Variants in RNF216 observed in about 807,000 individuals in gnomAD.
RNF216 encodes E3 ubiquitin-protein ligase RNF216.
Under a neutral mutation model 110.8 loss-of-function variants are expected in RNF216, and 72 were observed. That is an observed-to-expected ratio of 0.65 (90% CI 0.54 to 0.79). RNF216 has a LOEUF of 0.79. Among genes scored for constraint, RNF216 ranks in the 30% least tolerant of loss-of-function variants. The pLI, the probability that RNF216 is intolerant of heterozygous loss-of-function variation, is 0.00. For missense variants in RNF216, 1,342 were observed against 1,141.2 expected (o/e 1.18, Z -2.54); for synonymous variants, 495 against 407.5 (o/e 1.21, Z -2.59).
intron 13 of RNF216, among the ~76,000 whole-genome samples, chr7:5,660,943 GTTTTTTT>G (rs1168463360): frequency 7.8e-4 from 70 of 90,158 alleles, no homozygotes; most frequent in East Asian, 5.1e-3. Flanking sequence ...GAAGCCTTAG[GTTTTTTT>G]TTTTTTTTTT....
At chr7:5,734,469 G>C (rs1370885979) in intron 5 of RNF216, among the ~76,000 whole-genome samples, 3 of 152,050 alleles carry the variant, frequency 2.0e-5, no homozygotes, top group South Asian at 4.1e-4. Flanking sequence ...TTATTGAGCT[G>C]TGCATCTTTA....
chr7:5,755,918 C>T (rs1795612696), intron 2 of RNF216, among the ~76,000 whole-genome samples: 2 of 152,154 alleles, frequency 1.3e-5, no homozygotes, highest in Admixed American at 1.3e-4. Flanking sequence ...TAGGATAGTA[C>T]GTTGCTTCAC....
intron 1 of RNF216, among the ~76,000 whole-genome samples, chr7:5,778,346 T>C (rs1428152731): frequency 6.6e-6 from 1 of 152,246 alleles, no homozygotes; most frequent in African/African-American, 2.4e-5. Context: ...TTCGGTTCTT[T>C]GCTTTCTCCT....
chr7:5,627,358 TGGCCCTCCTTGTGAGG>T (rs1786775050), intron 15 of RNF216, among the ~76,000 whole-genome samples: 1 of 152,194 alleles, frequency 6.6e-6, no homozygotes, highest in Non-Finnish European at 1.5e-5. Flanking sequence ...GTGGCAGCCT[TGGCCCTCCTTGTGAGG>T]GCCTCACGTC....
chr7:5,698,870 T>C lies in RNF216; in HGVS notation c.2061+12891A>G, dbSNP rs566880381. ...AAAAGCTGTTAACATTTTCCTGTTA[T>C]GTTGCACATTTTCTCATCTCTTAAA... On this transcript the variant is annotated intron_variant, in intron 13 of 16. Transcript: ENST00000389902. Among the ~76,000 whole-genome samples, 73 of 152,304 alleles carry C rather than the reference T, an allele frequency of 4.8e-4. 1 individual carries two copies. The South Asian group carries it at 0.013, about 28-fold the overall frequency.
intron 9 of RNF216, among the ~76,000 whole-genome samples, chr7:5,717,110 T>C (rs6943875): frequency 0.027 from 4,059 of 152,276 alleles, 199 homozygotes; most frequent in African/African-American, 0.092. Context: ...TCCCAGCACT[T>C]TGGAAGGCCG....
chr7:5,652,568 C>A, intron 13 of RNF216, 58 bp from the exon 14 acceptor site: 1 of 1,129,270 alleles, frequency 8.9e-7, no homozygotes, highest in South Asian at 1.2e-5. Flanking sequence ...CACAGAAGTT[C>A]CTGTTCAACA....
intron 13 of RNF216, among the ~76,000 whole-genome samples, chr7:5,702,529 G>A (rs1428713840): frequency 6.6e-6 from 1 of 152,202 alleles, no homozygotes; most frequent in Non-Finnish European, 1.5e-5. Flanking sequence ...GGAAGGCAGG[G>A]TGGGAAGGGA....
intron 13 of RNF216, among the ~76,000 whole-genome samples, chr7:5,709,221 G>C (rs1245023912): frequency 6.6e-6 from 1 of 152,192 alleles, no homozygotes; most frequent in Non-Finnish European, 1.5e-5. Context: ...ACAGAAACCA[G>C]TCCCTTGAGC....
Position 5,691,047 on chromosome 7 carries a change from C to T in RNF216, c.2061+20714G>A, listed in dbSNP as rs941387923. On this transcript the variant is annotated intron_variant, in intron 13 of 16. Coordinates refer to ENST00000389902, the MANE Select transcript of RNF216 (RefSeq NM_207111.4). ...TTTTCTGCCTGTCGTCTCTTCCCAG[C>T]TCACACAGCCGTGCAAAGAACTCTG... 3.9e-5 allele frequency among the ~76,000 whole-genome samples: 6 copies of T among 152,300 alleles called. No individual in the cohort carries two copies. The South Asian group carries it at 8.3e-4, about 21-fold the overall frequency.
At chr7:5,709,143 C>T (rs536486946) in intron 13 of RNF216, among the ~76,000 whole-genome samples, 22 of 152,298 alleles carry the variant, frequency 1.4e-4, no homozygotes, top group African/African-American at 5.1e-4. Context: ...GGAGTCAGTA[C>T]GTGCTAGTTT....
intron 13 of RNF216, among the ~76,000 whole-genome samples, chr7:5,676,253 C>T (rs1450029868): frequency 2.0e-5 from 3 of 152,262 alleles, no homozygotes; most frequent in East Asian, 3.9e-4. Context: ...CTCAAGTGAT[C>T]GGCCCGCCTT....
chr7:5,768,346 T>TACAC (rs71004702), intron 1 of RNF216, among the ~76,000 whole-genome samples: 5,961 of 71,860 alleles, frequency 0.083, 546 homozygotes, highest in East Asian at 0.18. Context: ...GGCAGGCAAA[T>TACAC]ACACACACAC....
At chr7:5,703,845 T>C (rs1792121001) in intron 13 of RNF216, among the ~76,000 whole-genome samples, 1 of 152,210 alleles carries the variant, frequency 6.6e-6, no homozygotes, top group Admixed American at 6.5e-5. Context: ...CTGGAAAACT[T>C]GACTTACACA....
At chr7:5,631,132 C>A (rs1787045448) in intron 15 of RNF216, among the ~76,000 whole-genome samples, 1 of 152,164 alleles carries the variant, frequency 6.6e-6, no homozygotes, top group Non-Finnish European at 1.5e-5. Context: ...CAGGACAAAA[C>A]AAAACAAAAC....
chr7:5,639,380 CAT>C (rs1322507708), intron 15 of RNF216, among the ~76,000 whole-genome samples: 7 of 152,138 alleles, frequency 4.6e-5, no homozygotes, highest in Non-Finnish European at 7.3e-5. Flanking sequence ...TGTACTTACA[CAT>C]AGAGGAGAAA....
intron 13 of RNF216, among the ~76,000 whole-genome samples, chr7:5,681,044 C>A: frequency 6.6e-6 from 1 of 152,158 alleles, no homozygotes; most frequent in Non-Finnish European, 1.5e-5. Context: ...CCGCAGATAC[C>A]CCAGACCCTT....
chr7:5,631,773 C>A (rs976333425), intron 15 of RNF216, among the ~76,000 whole-genome samples: 4 of 152,204 alleles, frequency 2.6e-5, no homozygotes, highest in Non-Finnish European at 5.9e-5. Flanking sequence ...TAATTCCTCA[C>A]CAGAGATCAA....
intron 12 of RNF216, 42 bp from the exon 13 acceptor site, chr7:5,711,881 A>G: frequency 6.4e-7 from 1 of 1,563,604 alleles, no homozygotes; most frequent in South Asian, 1.1e-5. Context: ...TCAAACATTA[A>G]AGCCTGATCT....
Sources: gnomAD v4.1 joint callset for allele counts (sites outside exome capture counted in the v4.1 genomes callset) on GRCh38, gnomAD v4.1.1 for gene constraint, MANE v1.5 for transcripts, NCBI Gene and HGNC (gene_info 2026-07-23, HGNC 2026-07-21) for gene names.